LINC00237: variants seen among roughly 807,000 people sequenced by gnomAD.
The protein encoded by LINC00237 is long intergenic non-protein coding RNA 237.
chr20:21,100,029 C>G (rs1044933067), intron 1 of LINC00237, among the ~76,000 whole-genome samples: 1 of 152,178 alleles, frequency 6.6e-6, no homozygotes, highest in African/African-American at 2.4e-5. Flanking sequence ...TTCTGACCTC[C>G]GATGGCGCCT....
Position 21,086,811 on chromosome 20 carries a change from T to C in LINC00237, n.560-923A>G, listed in dbSNP as rs1367826547. Among the ~76,000 whole-genome samples the C allele has an allele frequency of 5.6e-5, 7 of 124,038 alleles. 1 individual carries two copies. The highest frequency in any genetic ancestry group is 1.9e-4 in the African/African-American group (6 of 31,174). 81.4% of individuals were successfully genotyped at this position (124,038 alleles called of 152,430 possible). On this transcript the variant is annotated intron_variant and non_coding_transcript_variant, in intron 3 of 3. Coordinates refer to ENST00000691244, the Ensembl canonical transcript of LINC00237. ...TATATACATATACTATATATATGTA[T>C]AGTATACATATATAGTGTATACTAT...
At chr20:21,085,678 G>A (rs543703079) in exon 4 of LINC00237, among the ~76,000 whole-genome samples, 1 of 152,272 alleles carries the variant, frequency 6.6e-6, no homozygotes, top group African/African-American at 2.4e-5. Context: ...ATTGACTGAA[G>A]GGGACATTTG....
chr20:21,089,954 A>G (rs2030769972), intron 2 of LINC00237: 1 of 152,216 alleles, frequency 6.6e-6, no homozygotes, highest in African/African-American at 2.4e-5. Context: ...TTTGTAATGA[A>G]ATACAGCAAT....
At chr20:21,100,316 C>T (rs1347863203) in intron 1 of LINC00237, among the ~76,000 whole-genome samples, 1 of 152,330 alleles carries the variant, frequency 6.6e-6, no homozygotes, top group African/African-American at 2.4e-5. Flanking sequence ...CAGCCACGAG[C>T]CGGGACCAGT....
chr20:21,098,815 C>T (rs1220501365), intron 1 of LINC00237, among the ~76,000 whole-genome samples: 1 of 152,214 alleles, frequency 6.6e-6, no homozygotes, highest in Non-Finnish European at 1.5e-5. Context: ...AGAACAATTC[C>T]AGGGTAAACA....
At chr20:21,096,770 G>A (rs568271241) in intron 1 of LINC00237, among the ~76,000 whole-genome samples, 23 of 152,286 alleles carry the variant, frequency 1.5e-4, no homozygotes, top group African/African-American at 4.1e-4. Context: ...AGAATAAGCC[G>A]TTGGAGGCCC....
exon 4 of LINC00237, among the ~76,000 whole-genome samples, chr20:21,085,594 A>C (rs1289149642): frequency 6.6e-6 from 1 of 152,232 alleles, no homozygotes; most frequent in Non-Finnish European, 1.5e-5. Context: ...GTATGATTTA[A>C]TATATGCAAA....
intron 1 of LINC00237, among the ~76,000 whole-genome samples, chr20:21,103,484 A>G (rs925585688): frequency 6.6e-6 from 1 of 152,202 alleles, no homozygotes; most frequent in Non-Finnish European, 1.5e-5. Flanking sequence ...CTGAAAAGCA[A>G]AAGAGGCCGA....
intron 1 of LINC00237, among the ~76,000 whole-genome samples, chr20:21,095,225 C>T (rs1227890479): frequency 6.6e-6 from 1 of 152,052 alleles, no homozygotes; most frequent in Non-Finnish European, 1.5e-5. Flanking sequence ...CCGCTTGGAG[C>T]CCAGCTGCCA....
chr20:21,099,823 A>G (rs1201834656), intron 1 of LINC00237, among the ~76,000 whole-genome samples: 1 of 152,166 alleles, frequency 6.6e-6, no homozygotes, highest in Non-Finnish European at 1.5e-5. Context: ...TCCAAACTGA[A>G]TAGTCATTGG....
chr20:21,095,260 G>T (rs1193573788), intron 1 of LINC00237, among the ~76,000 whole-genome samples: 4 of 152,114 alleles, frequency 2.6e-5, no homozygotes. Context: ...CCATGCTAGG[G>T]TACAGAATGA....
intron 3 of LINC00237, among the ~76,000 whole-genome samples, chr20:21,087,129 G>A (rs1171740627): frequency 1.3e-5 from 2 of 150,892 alleles, no homozygotes; most frequent in Non-Finnish European, 3.0e-5. Flanking sequence ...GAGACAGAGA[G>A]ACAGACATAG....
intron 3 of LINC00237, among the ~76,000 whole-genome samples, chr20:21,086,818 CATAT>C (rs1180429249): frequency 5.5e-4 from 67 of 120,812 alleles, no homozygotes; most frequent in Non-Finnish European, 1.0e-3. Flanking sequence ...GTATAGTATA[CATAT>C]ATAGTGTATA....
chr20:21,096,015 A>T (rs1029934254), intron 1 of LINC00237, among the ~76,000 whole-genome samples: 3 of 152,060 alleles, frequency 2.0e-5, no homozygotes, highest in Non-Finnish European at 4.4e-5. Context: ...TTTATAATAC[A>T]CCTTGATGGT....
At chr20:21,088,848 C>T (rs1409072983) in intron 2 of LINC00237, among the ~76,000 whole-genome samples, 3 of 151,904 alleles carry the variant, frequency 2.0e-5, no homozygotes, top group Middle Eastern at 3.4e-3. Context: ...TACATAAAAG[C>T]TTTTCCAAAA....
chr20:21,091,322 T>C (rs1430054777), intron 2 of LINC00237, among the ~76,000 whole-genome samples: 1 of 152,158 alleles, frequency 6.6e-6, no homozygotes, highest in Non-Finnish European at 1.5e-5. Flanking sequence ...CATATTTTAT[T>C]TGGGCATAGC....
intron 1 of LINC00237, among the ~76,000 whole-genome samples, chr20:21,105,909 G>T (rs2122188317): frequency 6.6e-6 from 1 of 152,232 alleles, no homozygotes; most frequent in East Asian, 1.9e-4. Context: ...GGCCCAACCC[G>T]ACCGCCACCT....
chr20:21,096,780 C>T (rs759950836), intron 1 of LINC00237, among the ~76,000 whole-genome samples: 1 of 152,190 alleles, frequency 6.6e-6, no homozygotes, highest in Non-Finnish European at 1.5e-5. Context: ...GTTGGAGGCC[C>T]TCTCAGGCTC....
Position 21,086,253 on chromosome 20 carries a change from C to T in LINC00237, n.560-365G>A, listed in dbSNP as rs571688829. 2.6e-5 allele frequency among the ~76,000 whole-genome samples: 4 copies of T among 152,210 alleles called. No individual in the cohort carries two copies. In the South Asian group the frequency reaches 8.3e-4, roughly 32 times the overall value. On this transcript the variant is annotated intron_variant and non_coding_transcript_variant, in intron 3 of 3. Transcript: ENST00000691244. ...CCTGTTAGTGCCTTTGTTCACAAGA[C>T]TTGCAGAAACATGAGAGATCTATAG...
Sources: allele counts gnomAD v4.1 joint callset (sites outside exome capture counted in the v4.1 genomes callset), GRCh38; gene constraint gnomAD v4.1.1; transcripts MANE v1.5; gene names NCBI Gene and HGNC (gene_info 2026-07-23, HGNC 2026-07-21).